Variants in PCDHGA8 observed in about 807,000 individuals in gnomAD.
PCDHGA8 encodes protocadherin gamma subfamily A, 8, also known as protocadherin gamma-A8.
A neutral mutation model predicts 59.2 loss-of-function variants in PCDHGA8; 45 were observed. The ratio of observed to expected loss-of-function variants is 0.76; its 90% CI spans 0.60 to 0.98. PCDHGA8 has a LOEUF of 0.98. PCDHGA8 is among the 50% of genes least tolerant of loss of function. The pLI is 0.00. For synonymous variants in PCDHGA8, 531 were observed against 519.0 expected, an observed-to-expected ratio of 1.02 and a Z score of -0.32; for missense variants, 1,257 against 1,196.2, an observed-to-expected ratio of 1.05 and a Z score of -0.75.
chr5:141,393,427 A>G lies in PCDHGA8; in HGVS notation c.614A>G (p.Glu205Gly), dbSNP rs2092758301. ...GAGCGCGCCCTGGACAGGGAGGAAGAGGCTGCTCACCACCTGGTCCTCACG... is the reference window on the plus strand; with the variant it reads ...GAGCGCGCCCTGGACAGGGAGGAAGGGGCTGCTCACCACCTGGTCCTCACG... ...VLERALDREEEAAHHLVLTAS... is the reference protein window; with the variant it reads ...VLERALDREEGAAHHLVLTAS... Residue 205 changes from glutamate (E) to glycine (G), a missense_variant, in exon 1 of 4, where the codon GAG becomes GGG. Glu to Gly is a moderately conservative substitution (Grantham distance 98). Transcript: ENST00000398604. 1.2e-6 allele frequency: 2 copies of G among 1,613,922 alleles called. No individual in the cohort carries two copies. Among genetic ancestry groups the G allele is most frequent in the Admixed American group, 3.3e-5 (2 of 60,004 alleles).
intron 1 of PCDHGA8, among the ~76,000 whole-genome samples, chr5:141,482,799 C>T (rs933003208): frequency 6.6e-6 from 1 of 152,086 alleles, no homozygotes; most frequent in Non-Finnish European, 1.5e-5. Flanking sequence ...TGGCCGGGTA[C>T]GGTGGCTCAT....
At chr5:141,452,411 A>G (rs965622061) in intron 1 of PCDHGA8, among the ~76,000 whole-genome samples, 8 of 152,200 alleles carry the variant, frequency 5.3e-5, no homozygotes, top group African/African-American at 1.9e-4. Context: ...GGTGTGAGGT[A>G]TGCTCACTGC....
At chr5:141,415,023 C>A (rs1213037511) in intron 1 of PCDHGA8, 1 of 1,613,530 alleles carries the variant, frequency 6.2e-7, no homozygotes, top group East Asian at 2.2e-5. Flanking sequence ...TCAAGGCCAG[C>A]GAGCCGGGAC....
chr5:141,511,118 C>T lies in PCDHGA8; in HGVS notation c.2744C>T (p.Ala915Val), dbSNP rs1352222210. 1.2e-6 allele frequency: 2 copies of T among 1,614,094 alleles called. No individual in the cohort carries two copies. The highest frequency in any genetic ancestry group is 1.7e-6 in the Non-Finnish European group (2 of 1,180,022). The change falls in exon 4 of 4, where the codon GCC (alanine) becomes GTC (valine). Residue 915 changes from alanine to valine, a missense_variant. Coordinates refer to ENST00000398604, the MANE Select transcript of PCDHGA8 (RefSeq NM_032088.2). ...GCAGCTGGCAAGCGGGATGGCAAGG[C>T]CCCAGCAGGTGGCAATGGCAACAAG... is the stretch of plus-strand genomic sequence containing the variant. ...TNAAGKRDGK[A>V]PAGGNGNKKK... is the part of the protein sequence containing the mutation.
intron 1 of PCDHGA8, among the ~76,000 whole-genome samples, chr5:141,464,076 C>A (rs561982216): frequency 3.1e-4 from 47 of 152,132 alleles, no homozygotes; most frequent in African/African-American, 9.4e-4. Context: ...GCCAGCCTGG[C>A]CAACATGGTG....
Position 141,405,419 on chromosome 5 carries a change from TTTG to T in PCDHGA8, c.2424+10185_2424+10187del, listed in dbSNP as rs372094745. On this transcript the variant is annotated intron_variant, in intron 1 of 3. Transcript: ENST00000398604. ...CTTTCTTTCTTTTCTTTTTTTGTTT[TTTG>T]TTTTGTTTTGTTTTTGAGACAGAGT... The T allele has an allele frequency of 6.8e-4, 1,019 of 1,509,010 alleles. 10 individuals are homozygous for T. In the African/African-American group the frequency reaches 0.012, roughly 18 times the overall value. The allele number at this position is 1,509,010 out of a possible 1,614,324, so 93.5% of individuals were successfully genotyped here.
Position 141,485,092 on chromosome 5 carries a change from G to C in PCDHGA8, c.2425-9715G>C, listed in dbSNP as rs2099606725. 3.8e-6 allele frequency: 4 copies of C among 1,065,492 alleles called. No homozygotes were observed. Among genetic ancestry groups the C allele is most frequent in the Non-Finnish European group, 5.6e-6 (4 of 708,358 alleles). The allele number at this position is 1,065,492 out of a possible 1,614,324, so 66.0% of individuals were successfully genotyped here. A position where few individuals can be genotyped will look rare whatever the true frequency, so the allele number is the denominator to read the frequency against. Reference sequence around the variant, plus strand: ...CTGGCGCGGGGAAAGGGAGATAGGTGTCTCCAGCTGCTGTGGCTGTTTGGG... The same window carrying C: ...CTGGCGCGGGGAAAGGGAGATAGGTCTCTCCAGCTGCTGTGGCTGTTTGGG... On this transcript the variant is annotated intron_variant, in intron 1 of 3. Coordinates refer to ENST00000398604, the MANE Select transcript of PCDHGA8 (RefSeq NM_032088.2). This position sits in a 1 kb window ranked among gnomAD's most constrained non-coding sequence, Gnocchi z 5.7.
At position 141,418,250 on chromosome 5, in the gene PCDHGA8, C is replaced by T. The variant is rs375149538; in HGVS notation, c.2424+23013C>T. ...GATTGAGGATGTTAATGACCACGCC[C>T]CTCAATTCCGGAAAGATGAAATAAA... On this transcript the variant is annotated intron_variant, in intron 1 of 3. Transcript: ENST00000398604. The T allele has an allele frequency of 2.5e-5, 40 of 1,613,876 alleles. No individual in the cohort carries two copies. The African/African-American group carries it at 3.6e-4, about 15-fold the overall frequency.
chr5:141,397,298 T>C (rs140040192), intron 1 of PCDHGA8, among the ~76,000 whole-genome samples: 13 of 152,318 alleles, frequency 8.5e-5, no homozygotes, highest in African/African-American at 2.9e-4. Context: ...AATGAATATT[T>C]CCTGAAGTAG....
intron 1 of PCDHGA8, among the ~76,000 whole-genome samples, chr5:141,457,057 C>T (rs1224573005): frequency 6.6e-6 from 1 of 152,182 alleles, no homozygotes; most frequent in Non-Finnish European, 1.5e-5. Flanking sequence ...TTCATGCTTC[C>T]TTTTTGCCAG....
At chr5:141,454,666 A>G (rs1561955978) in intron 1 of PCDHGA8, among the ~76,000 whole-genome samples, 1 of 152,104 alleles carries the variant, frequency 6.6e-6, no homozygotes, top group Non-Finnish European at 1.5e-5. Context: ...TCGGCCTCCC[A>G]AAACACTGGG....
chr5:141,427,751 C>G (rs778043340), intron 1 of PCDHGA8: 6 of 1,306,076 alleles, frequency 4.6e-6, no homozygotes, highest in Non-Finnish European at 6.6e-6. Context: ...CCTACTCCAT[C>G]GTTACCACTG....
rs1018097924 is a variant in PCDHGA8 at position 141,413,435 on chromosome 5, G to C, written c.2424+18198G>C. Reference sequence around the variant, plus strand: ...TTCTCTCTGAACCCGCGCAGCGGCAGCTTGATCACCGCGGGCAGGATAGAC... The same window carrying C: ...TTCTCTCTGAACCCGCGCAGCGGCACCTTGATCACCGCGGGCAGGATAGAC... On this transcript the variant is annotated intron_variant, in intron 1 of 3. Transcript: ENST00000398604. The C allele has an allele frequency of 6.2e-6, 10 of 1,614,004 alleles. No homozygotes were observed. The Admixed American group carries it at 1.7e-4, about 27-fold the overall frequency.
chr5:141,425,243 G>T (rs2096863760), intron 1 of PCDHGA8, among the ~76,000 whole-genome samples: 1 of 152,132 alleles, frequency 6.6e-6, no homozygotes, highest in Non-Finnish European at 1.5e-5. Flanking sequence ...AAATAAAAAG[G>T]ATATGAGGTA....
In PCDHGA8 at chr5:141,392,860, T is replaced by G. The variant is rs726684; in HGVS notation, c.47T>G (p.Leu16Arg). 299,729 of 1,611,996 alleles carry G rather than the reference T, an allele frequency of 0.19. 30,027 individuals are homozygous for G. Among genetic ancestry groups the G allele is most frequent in the Admixed American group, 0.35 (20,984 of 59,674 alleles). Residue 16 changes from leucine (L) to arginine (R), a missense_variant, in exon 1 of 4, where the codon CTG (leucine) becomes CGG (arginine). Physicochemically the swap from Leu to Arg is moderately radical, Grantham distance 102 (BLOSUM62 -2). Coordinates refer to ENST00000398604, the MANE Select transcript of PCDHGA8 (RefSeq NM_032088.2). The part of the protein sequence containing the change: ...SRPRRGELIL[L>R]CALLGTLWEI... ...CCCAGACGCGGCGAGCTGATCCTGC[T>G]GTGCGCGCTGCTGGGAACGCTGTGG...
At chr5:141,482,572 T>C (rs1367788391) in intron 1 of PCDHGA8, among the ~76,000 whole-genome samples, 1 of 137,636 alleles carries the variant, frequency 7.3e-6, no homozygotes, top group Admixed American at 7.3e-5. Context: ...CTGCATAGCA[T>C]AAGATGCAGT....
Position 141,476,102 on chromosome 5 carries a change from C to G in PCDHGA8, c.2425-18705C>G, listed in dbSNP as rs1488747783. The G allele has an allele frequency of 1.3e-6, 2 of 1,576,940 alleles. No homozygotes were observed. Among genetic ancestry groups the G allele is most frequent in the African/African-American group, 2.7e-5 (2 of 73,926 alleles). ...ACGATCTGGACCCCGCTGAGAGGAA[C>G]TGCTTTTGAGTGAGATGGTCCCAGA... On this transcript the variant is annotated intron_variant, in intron 1 of 3. Transcript: ENST00000398604. The surrounding 1 kb of genome is among the most constrained non-coding windows in gnomAD (Gnocchi z 7.6).
intron 2 of PCDHGA8, among the ~76,000 whole-genome samples, chr5:141,496,888 TAA>T (rs35063790): frequency 6.7e-5 from 9 of 134,018 alleles, no homozygotes; most frequent in Non-Finnish European, 4.9e-5. Flanking sequence ...AAGTAACACT[TAA>T]AAAAAAAAAA....
intron 1 of PCDHGA8, among the ~76,000 whole-genome samples, chr5:141,467,702 C>T (rs2099149453): frequency 6.6e-6 from 1 of 152,086 alleles, no homozygotes; most frequent in South Asian, 2.1e-4. Context: ...GGCTCTGTTG[C>T]CCAGGCTGGA....
Sources: allele counts gnomAD v4.1 joint callset (sites outside exome capture counted in the v4.1 genomes callset), GRCh38; gene constraint gnomAD v4.1.1; non-coding constraint Gnocchi (gnomAD v3.1); transcripts MANE v1.5; gene names NCBI Gene and HGNC (gene_info 2026-07-23, HGNC 2026-07-21).